ROBO1: variants seen among roughly 807,000 people sequenced by gnomAD.
ROBO1 encodes the protein roundabout homolog 1.
A neutral mutation model predicts 195.9 loss-of-function variants in ROBO1; 149 were observed. That is an observed-to-expected ratio of 0.76 (90% confidence interval 0.67 to 0.87). The LOEUF (loss-of-function observed/expected upper bound fraction) is 0.87, where lower values mean the gene tolerates loss of function less well. Among genes scored for constraint, ROBO1 ranks in the 40% least tolerant of loss-of-function variants. The probability of loss-of-function intolerance (pLI) is 0.00; values close to 1 mark genes in which losing one functional copy is unlikely to be tolerated. For missense variants in ROBO1, 1,933 were observed against 2,068.3 expected, an observed-to-expected ratio of 0.93 and a Z score of 1.27; for synonymous variants, 816 against 733.2, an observed-to-expected ratio of 1.11 and a Z score of -1.82.
intron 4 of ROBO1, among the ~76,000 whole-genome samples, chr3:78,826,307 G>T (rs1305850262): frequency 6.6e-6 from 1 of 152,106 alleles, no homozygotes; most frequent in Non-Finnish European, 1.5e-5. Context: ...TTGCTTAAAT[G>T]AACTTTTTGT....
intron 1 of ROBO1, among the ~76,000 whole-genome samples, chr3:79,744,966 A>AT (rs924416366): frequency 1.3e-5 from 2 of 152,002 alleles, no homozygotes; most frequent in African/African-American, 2.4e-5. Flanking sequence ...TTAAATGCCT[A>AT]TTTTTTCTAT....
At chr3:79,436,194 C>T (rs2038880385) in intron 2 of ROBO1, among the ~76,000 whole-genome samples, 1 of 152,068 alleles carries the variant, frequency 6.6e-6, no homozygotes, top group Non-Finnish European at 1.5e-5. Context: ...GAATAAAATG[C>T]CATTTTAAAA....
chr3:79,318,999 G>T (rs1181079324), intron 2 of ROBO1, among the ~76,000 whole-genome samples: 1 of 152,112 alleles, frequency 6.6e-6, no homozygotes, highest in African/African-American at 2.4e-5. Flanking sequence ...AATTTAAAAA[G>T]TACAAGTGCA....
chr3:79,637,312 G>T (rs1945523496), intron 1 of ROBO1, among the ~76,000 whole-genome samples: 1 of 150,138 alleles, frequency 6.7e-6, no homozygotes, highest in South Asian at 2.1e-4. Flanking sequence ...TCAATAGATT[G>T]AAACATTTAT....
intron 2 of ROBO1, among the ~76,000 whole-genome samples, chr3:79,417,195 T>G (rs2038040606): frequency 6.6e-6 from 1 of 152,148 alleles, no homozygotes; most frequent in East Asian, 1.9e-4. Flanking sequence ...AAGTCTAGAT[T>G]GTAAAAGACA....
intron 2 of ROBO1, among the ~76,000 whole-genome samples, chr3:79,222,322 TC>T (rs1431350746): frequency 2.0e-5 from 3 of 152,122 alleles, no homozygotes; most frequent in African/African-American, 7.2e-5. Context: ...AAGTCTCAGT[TC>T]TTTCATGGGG....
At chr3:78,930,660 C>T (rs2039470620) in intron 4 of ROBO1, among the ~76,000 whole-genome samples, 1 of 152,194 alleles carries the variant, frequency 6.6e-6, no homozygotes, top group African/African-American at 2.4e-5. Flanking sequence ...TCAACTTCTA[C>T]TATTTAACTC....
chr3:79,645,161 C>T (rs1945781870), intron 1 of ROBO1, among the ~76,000 whole-genome samples: 1 of 151,902 alleles, frequency 6.6e-6, no homozygotes, highest in Admixed American at 6.6e-5. Flanking sequence ...CCTAGAAAAG[C>T]AAAATCAAAC....
At chr3:79,438,747 C>T (rs1244711115) in intron 2 of ROBO1, among the ~76,000 whole-genome samples, 1 of 152,010 alleles carries the variant, frequency 6.6e-6, no homozygotes, top group East Asian at 1.9e-4. Context: ...TTTCTATTTA[C>T]ATAACAATAA....
intron 2 of ROBO1, among the ~76,000 whole-genome samples, chr3:79,174,662 T>C (rs183933352): frequency 6.6e-6 from 1 of 151,742 alleles, no homozygotes; most frequent in Admixed American, 6.6e-5. Flanking sequence ...TTGCTAATAA[T>C]CAGCTATAAG....
chr3:79,204,447 C>T (rs1023637698), intron 2 of ROBO1, among the ~76,000 whole-genome samples: 2 of 151,934 alleles, frequency 1.3e-5, no homozygotes, highest in African/African-American at 4.8e-5. Flanking sequence ...ATCTATTCCC[C>T]AGTGGCGGCT....
intron 4 of ROBO1, among the ~76,000 whole-genome samples, chr3:78,836,538 T>C (rs1318682711): frequency 7.6e-6 from 1 of 131,014 alleles, no homozygotes; most frequent in Non-Finnish European, 1.6e-5. Context: ...TCAAAAAACA[T>C]AAAATCCCTC....
At chr3:79,064,284 CAG>C in intron 3 of ROBO1, among the ~76,000 whole-genome samples, 1 of 152,016 alleles carries the variant, frequency 6.6e-6, no homozygotes, top group African/African-American at 2.4e-5. Context: ...CAGTATTCCA[CAG>C]AGATTTTCCT....
chr3:78,811,579 T>G (rs1209505995), intron 4 of ROBO1, among the ~76,000 whole-genome samples: 1 of 152,138 alleles, frequency 6.6e-6, no homozygotes, highest in Non-Finnish European at 1.5e-5. Context: ...TTTCGTTTGA[T>G]GAGCACCTTT....
At chr3:79,081,979 C>T (rs1559645451) in intron 3 of ROBO1, among the ~76,000 whole-genome samples, 1 of 152,046 alleles carries the variant, frequency 6.6e-6, no homozygotes, top group Non-Finnish European at 1.5e-5. Context: ...ATATCATTTT[C>T]TTAAATGGGA....
intron 1 of ROBO1, among the ~76,000 whole-genome samples, chr3:79,718,896 T>C (rs1702592516): frequency 2.0e-5 from 3 of 152,106 alleles, no homozygotes; most frequent in Non-Finnish European, 4.4e-5. Context: ...TAAAAGATTC[T>C]GTAACCTGGA....
At chr3:79,497,149 C>T (rs1303791326) in intron 2 of ROBO1, among the ~76,000 whole-genome samples, 1 of 152,100 alleles carries the variant, frequency 6.6e-6, no homozygotes, top group African/African-American at 2.4e-5. Flanking sequence ...AATGGCGATG[C>T]TGCAAGTTTC....
intron 2 of ROBO1, among the ~76,000 whole-genome samples, chr3:79,530,074 C>T (rs934341399): frequency 6.6e-6 from 1 of 152,104 alleles, no homozygotes; most frequent in African/African-American, 2.4e-5. Context: ...TTAAAACTCT[C>T]ACGTTATAAT....
chr3:79,200,797 A>G (rs970836544), intron 2 of ROBO1, among the ~76,000 whole-genome samples: 1 of 151,996 alleles, frequency 6.6e-6, no homozygotes, highest in African/African-American at 2.4e-5. Context: ...CATTTTAGAC[A>G]AGCTTAGTTC....
Sources: allele counts gnomAD v4.1 joint callset (sites outside exome capture counted in the v4.1 genomes callset), GRCh38; gene constraint gnomAD v4.1.1; transcripts MANE v1.5; gene names NCBI Gene and HGNC (gene_info 2026-07-23, HGNC 2026-07-21).